The following TRAK2 variants were observed in gnomAD, a reference collection of about 807,000 sequenced individuals.
TRAK2 encodes the protein trafficking kinesin-binding protein 2.
In TRAK2, 81 loss-of-function variants were observed where a neutral mutation model predicts 104.6. The observed-to-expected ratio is 0.77, with a 90% CI of 0.65 to 0.93. The LOEUF (loss-of-function observed/expected upper bound fraction) is 0.93, where lower values mean the gene tolerates loss of function less well. TRAK2 is among the 40% of genes least tolerant of loss of function. TRAK2 has a pLI of 0.00. For synonymous variants in TRAK2, 406 were observed against 394.4 expected (o/e 1.03, Z -0.35); for missense variants, 1,002 against 1,089.0 (o/e 0.92, Z 1.12).
At position 201,378,470 on chromosome 2, in the gene TRAK2, C is replaced by T. The variant is rs902184668; in HGVS notation, c.*2073G>A. On this transcript the variant is annotated 3_prime_UTR_variant, in exon 16 of 16. Transcript: ENST00000332624. ...CTGGAAACTGTAACTGTCCAGGCAA[C>T]AGAAACAGTAATTACTTTCTTAGGG... 2.6e-5 allele frequency: 4 copies of T among 152,102 alleles called. No individual in the cohort carries two copies. Among genetic ancestry groups the T allele is most frequent in the African/African-American group, 9.7e-5 (4 of 41,406 alleles). 9.4% of individuals were successfully genotyped at this position (152,102 alleles called of 1,614,324 possible).
At chr2:201,406,799 C>T (rs1015539939) in intron 3 of TRAK2, among the ~76,000 whole-genome samples, 2 of 152,172 alleles carry the variant, frequency 1.3e-5, no homozygotes, top group African/African-American at 4.8e-5. Context: ...CTCCACACTT[C>T]AAAGTTTAAA....
At chr2:201,423,986 T>G (rs1433218601) in intron 1 of TRAK2, among the ~76,000 whole-genome samples, 1 of 152,258 alleles carries the variant, frequency 6.6e-6, no homozygotes, top group African/African-American at 2.4e-5. Context: ...ACTTTAATTT[T>G]AATTCCAGTT....
intron 2 of TRAK2, among the ~76,000 whole-genome samples, chr2:201,414,583 G>A (rs1432859393): frequency 6.6e-6 from 1 of 152,152 alleles, no homozygotes; most frequent in Non-Finnish European, 1.5e-5. Context: ...GCAGTGGCTT[G>A]ATCACCACAA....
rs35847140 is a variant in TRAK2 at position 201,389,335 on chromosome 2, G to A, written c.1362C>T (p.Leu454=). Residue 454 remains leucine (L), a synonymous_variant, in exon 12 of 16, where the codon CTC becomes CTT. Transcript: ENST00000332624. ...SGLQQTEDKS[L]LNQGSSSEEV... ...CCTCTGAGCTGCTCCCCTGGTTCAGGAGTGATTTGTCCTCTGTTTGCTGAA... is the reference window on the plus strand; with the variant it reads ...CCTCTGAGCTGCTCCCCTGGTTCAGAAGTGATTTGTCCTCTGTTTGCTGAA... 1.2e-3 allele frequency: 1,992 copies of A among 1,614,110 alleles called. 29 individuals are homozygous for A. The African/African-American group carries it at 0.022, about 18-fold the overall frequency.
At chr2:201,391,119 T>C (rs1182166365) in intron 10 of TRAK2, among the ~76,000 whole-genome samples, 1 of 152,118 alleles carries the variant, frequency 6.6e-6, no homozygotes, top group Non-Finnish European at 1.5e-5. Context: ...GGATTCGAAA[T>C]ACAATTCTTC....
At chr2:201,437,815 G>T (rs2125661374) in intron 1 of TRAK2, among the ~76,000 whole-genome samples, 1 of 152,188 alleles carries the variant, frequency 6.6e-6, no homozygotes, top group South Asian at 2.1e-4. Context: ...CCTACTCTCA[G>T]CATACCGGTC....
chr2:201,386,643 A>C (rs530228626), intron 13 of TRAK2, among the ~76,000 whole-genome samples, 159 bp from the exon 14 acceptor site: 2 of 152,358 alleles, frequency 1.3e-5, no homozygotes, highest in South Asian at 4.1e-4. Flanking sequence ...TAAAGTTTTC[A>C]GTGGAAGATG....
chr2:201,409,036 C>T (rs1411306622), intron 2 of TRAK2, among the ~76,000 whole-genome samples: 6 of 152,126 alleles, frequency 3.9e-5, no homozygotes, highest in Admixed American at 1.3e-4. Flanking sequence ...TCTTCCCTAT[C>T]CTTCACATAA....
At chr2:201,391,052 A>C (rs2540332) in intron 10 of TRAK2, among the ~76,000 whole-genome samples, 147,518 of 152,102 alleles carry the variant, frequency 0.97, 71,697 homozygotes, top group East Asian at 1. Flanking sequence ...GCTGAGAGGG[A>C]CTAGAAGCCA....
chr2:201,429,942 T>G (rs1230697231), intron 1 of TRAK2, among the ~76,000 whole-genome samples: 2 of 152,228 alleles, frequency 1.3e-5, no homozygotes, highest in Non-Finnish European at 2.9e-5. Context: ...TCAGCTTTTT[T>G]GCTCTGGTTT....
intron 1 of TRAK2, among the ~76,000 whole-genome samples, chr2:201,437,332 C>G (rs756201005): frequency 5.9e-5 from 9 of 152,108 alleles, no homozygotes; most frequent in Non-Finnish European, 1.2e-4. Context: ...GGCCCTCTCT[C>G]TCTCCTTCTC....
rs4034637 is a variant in TRAK2 at position 201,394,347 on chromosome 2, C to CT, written c.975+450dup. ...TTAAAATGCTTTATTCTTTTTCTTT[C>CT]TTTTTTTTTTTTTGAGACGAAGTCT... is the stretch of plus-strand genomic sequence containing the variant. On this transcript the variant is annotated intron_variant, in intron 9 of 15. Coordinates refer to ENST00000332624, the MANE Select transcript of TRAK2 (RefSeq NM_015049.3). Among the ~76,000 whole-genome samples the CT allele has an allele frequency of 4.4e-4, 63 of 144,250 alleles. 2 individuals are homozygous for CT. Among genetic ancestry groups the CT allele is most frequent in the Admixed American group, 1.5e-3 (22 of 14,412 alleles). 94.6% of individuals were successfully genotyped at this position (144,250 alleles called of 152,430 possible).
chr2:201,428,650 A>G (rs1045282879), intron 1 of TRAK2, among the ~76,000 whole-genome samples: 4 of 152,180 alleles, frequency 2.6e-5, no homozygotes, highest in Non-Finnish European at 5.9e-5. Context: ...TTGGCAATGC[A>G]GGCTCTTTTT....
chr2:201,450,424 A>C (rs1228449892), intron 1 of TRAK2, among the ~76,000 whole-genome samples: 1 of 152,006 alleles, frequency 6.6e-6, no homozygotes, highest in African/African-American at 2.4e-5. Context: ...AAAAAAAAAA[A>C]AGAAAAGAAA....
At chr2:201,394,063 A>T (rs1302482341) in intron 9 of TRAK2, among the ~76,000 whole-genome samples, 1 of 151,994 alleles carries the variant, frequency 6.6e-6, no homozygotes, top group Non-Finnish European at 1.5e-5. Flanking sequence ...GGTGATACTA[A>T]TGCATGCTAA....
intron 1 of TRAK2, among the ~76,000 whole-genome samples, chr2:201,432,850 T>C (rs538597556): frequency 4.6e-5 from 7 of 152,348 alleles, no homozygotes; most frequent in African/African-American, 1.7e-4. Flanking sequence ...TGGAAATATA[T>C]TCAAAATTTT....
At chr2:201,437,982 T>C (rs1951891430) in intron 1 of TRAK2, among the ~76,000 whole-genome samples, 1 of 152,220 alleles carries the variant, frequency 6.6e-6, no homozygotes, top group Non-Finnish European at 1.5e-5. Flanking sequence ...AGATCACACA[T>C]CCTGGCTTAT....
At chr2:201,429,015 T>C (rs1033842955) in intron 1 of TRAK2, among the ~76,000 whole-genome samples, 1 of 152,220 alleles carries the variant, frequency 6.6e-6, no homozygotes, top group Non-Finnish European at 1.5e-5. Flanking sequence ...TGCACATTGA[T>C]TTTGTATCCT....
Position 201,398,297 on chromosome 2 carries a change from T to A in TRAK2, c.538A>T (p.Ile180Phe). 2 of 1,613,718 alleles carry A rather than the reference T, an allele frequency of 1.2e-6. No individual in the cohort carries two copies. Among genetic ancestry groups the A allele is most frequent in the Non-Finnish European group, 1.7e-6 (2 of 1,179,698 alleles). ...TCAGTTTCACTTTCTTCAGAAGCAATGGAGACGATTCGAAGTAACTCATCT... is the reference window on the plus strand; with the variant it reads ...TCAGTTTCACTTTCTTCAGAAGCAAAGGAGACGATTCGAAGTAACTCATCT... ...KKDELLRIVS[I>F]ASEESETDSS... Residue 180 changes from isoleucine to phenylalanine, a missense_variant, in exon 6 of 16, where the codon ATT (isoleucine) becomes TTT (phenylalanine). Transcript: ENST00000332624.
Sources: allele counts gnomAD v4.1 joint callset (sites outside exome capture counted in the v4.1 genomes callset), GRCh38; gene constraint gnomAD v4.1.1; transcripts MANE v1.5; gene names NCBI Gene and HGNC (gene_info 2026-07-23, HGNC 2026-07-21).